The following ZNF804A variants were observed in gnomAD, a reference collection of about 807,000 sequenced individuals.
ZNF804A encodes zinc finger protein 804A.
Under a neutral mutation model 16.5 loss-of-function variants are expected in ZNF804A, and 2 were observed. The ratio of observed to expected loss-of-function variants is 0.12; its 90% CI spans 0.05 to 0.38. ZNF804A has a LOEUF of 0.38. ZNF804A is among the 10% of genes least tolerant of loss of function. The pLI is 0.99. For synonymous variants in ZNF804A, 534 were observed against 489.6 expected, an observed-to-expected ratio of 1.09 and a Z score of -1.20; for missense variants, 1,473 against 1,390.7, an observed-to-expected ratio of 1.06 and a Z score of -0.94.
chr2:184,742,967 C>A (rs975527426), intron 1 of ZNF804A, among the ~76,000 whole-genome samples: 2 of 151,860 alleles, frequency 1.3e-5, no homozygotes, highest in Non-Finnish European at 2.9e-5. Flanking sequence ...TTACTCTCAG[C>A]CAGTCTGTCA....
intron 1 of ZNF804A, among the ~76,000 whole-genome samples, chr2:184,704,981 C>T (rs1490604641): frequency 6.6e-6 from 1 of 152,154 alleles, no homozygotes; most frequent in African/African-American, 2.4e-5. Context: ...TCTCAAATCA[C>T]ATTGGTTAAA....
intron 1 of ZNF804A, among the ~76,000 whole-genome samples, chr2:184,742,666 AT>A (rs11288426): frequency 0.33 from 50,710 of 151,494 alleles, 11,815 homozygotes; most frequent in African/African-American, 0.66. Flanking sequence ...ATATTTGTAA[AT>A]TATTTGTTGG....
In ZNF804A at chr2:184,615,009, C is replaced by A. The variant is rs1406611081; in HGVS notation, c.111+15939C>A. Among the ~76,000 whole-genome samples, 6 of 152,226 alleles carry A rather than the reference C, an allele frequency of 3.9e-5. No individual in the cohort carries two copies. In the East Asian group the frequency reaches 9.7e-4, roughly 24 times the overall value. On this transcript the variant is annotated intron_variant, in intron 1 of 3. Transcript: ENST00000302277. ...CTCAAGGATCCAGAACCAGAAATACCATTTGACCCAGCAGTCCCATTATTG... is the reference window on the plus strand; with the variant it reads ...CTCAAGGATCCAGAACCAGAAATACAATTTGACCCAGCAGTCCCATTATTG...
intron 1 of ZNF804A, among the ~76,000 whole-genome samples, chr2:184,619,947 C>T (rs1264135487): frequency 6.6e-6 from 1 of 151,780 alleles, no homozygotes; most frequent in Non-Finnish European, 1.5e-5. Flanking sequence ...TAACAAAATA[C>T]ATCCAATTGT....
chr2:184,864,102 G>A (rs1401209680), intron 1 of ZNF804A, among the ~76,000 whole-genome samples: 1 of 152,108 alleles, frequency 6.6e-6, no homozygotes, highest in Non-Finnish European at 1.5e-5. Context: ...ACAGAAAATA[G>A]GTTTATTTGA....
chr2:184,820,723 A>G (rs1309499006), intron 1 of ZNF804A, among the ~76,000 whole-genome samples: 1 of 152,154 alleles, frequency 6.6e-6, no homozygotes, highest in African/African-American at 2.4e-5. Flanking sequence ...GCAAAGTTTC[A>G]GGATACAAAA....
intron 1 of ZNF804A, among the ~76,000 whole-genome samples, chr2:184,861,747 A>T (rs1314085253): frequency 6.6e-6 from 1 of 152,172 alleles, no homozygotes; most frequent in African/African-American, 2.4e-5. Context: ...TTCTCCCTTC[A>T]AAGTTCTACT....
intron 1 of ZNF804A, among the ~76,000 whole-genome samples, chr2:184,797,685 C>A (rs927945002): frequency 1.3e-5 from 2 of 151,714 alleles, no homozygotes; most frequent in African/African-American, 4.8e-5. Context: ...CTGTTACATA[C>A]AATGTTAGTA....
chr2:184,804,786 A>T (rs1409557090), intron 1 of ZNF804A, among the ~76,000 whole-genome samples: 1 of 152,204 alleles, frequency 6.6e-6, no homozygotes. Context: ...AAGCTTGATC[A>T]AGTGAGTTAT....
intron 1 of ZNF804A, among the ~76,000 whole-genome samples, chr2:184,723,660 T>C (rs1693358877): frequency 1.3e-5 from 2 of 151,762 alleles, no homozygotes; most frequent in African/African-American, 4.8e-5. Flanking sequence ...TTTATTTCAG[T>C]TAAGTATTGG....
intron 1 of ZNF804A, among the ~76,000 whole-genome samples, chr2:184,724,556 TA>T (rs1184152102): frequency 1.6e-5 from 2 of 126,676 alleles, no homozygotes; most frequent in African/African-American, 4.4e-5. Flanking sequence ...GAAAAGATAC[TA>T]AGATACTACT....
chr2:184,709,282 G>C (rs1446389911), intron 1 of ZNF804A, among the ~76,000 whole-genome samples: 1 of 152,034 alleles, frequency 6.6e-6, no homozygotes, highest in Admixed American at 6.6e-5. Context: ...GTTGCCTTCA[G>C]ATCTTCTTTT....
intron 1 of ZNF804A, among the ~76,000 whole-genome samples, chr2:184,687,662 TG>T (rs1306871650): frequency 6.6e-6 from 1 of 152,216 alleles, no homozygotes; most frequent in Non-Finnish European, 1.5e-5. Flanking sequence ...AATTTCTGTT[TG>T]GGGTTATGAA....
At chr2:184,862,226 C>T (rs947587390) in intron 1 of ZNF804A, among the ~76,000 whole-genome samples, 1 of 152,132 alleles carries the variant, frequency 6.6e-6, no homozygotes, top group Admixed American at 6.5e-5. Context: ...TTTAAAGTAT[C>T]AGTCAGTACC....
intron 1 of ZNF804A, among the ~76,000 whole-genome samples, chr2:184,825,421 T>C (rs907378341): frequency 6.6e-6 from 1 of 152,164 alleles, no homozygotes; most frequent in Non-Finnish European, 1.5e-5. Context: ...AAGTGTCACA[T>C]GTTTTGTTTT....
At chr2:184,765,948 G>GA (rs1185100295) in intron 1 of ZNF804A, among the ~76,000 whole-genome samples, 2 of 151,940 alleles carry the variant, frequency 1.3e-5, no homozygotes, top group African/African-American at 2.4e-5. Context: ...ATATGACTTT[G>GA]AAAAAATCAA....
chr2:184,821,770 T>C (rs1267983203), intron 1 of ZNF804A, among the ~76,000 whole-genome samples: 2 of 152,000 alleles, frequency 1.3e-5, no homozygotes, highest in Non-Finnish European at 2.9e-5. Flanking sequence ...AGCATATACT[T>C]CTCAAAAGAA....
chr2:184,724,655 T>A (rs1220705498), intron 1 of ZNF804A, among the ~76,000 whole-genome samples: 1 of 151,730 alleles, frequency 6.6e-6, no homozygotes, highest in Non-Finnish European at 1.5e-5. Flanking sequence ...CTTGTGCTGA[T>A]GTCTGATTCT....
intron 1 of ZNF804A, among the ~76,000 whole-genome samples, chr2:184,653,775 C>T (rs576787064): frequency 1.3e-5 from 2 of 152,144 alleles, no homozygotes; most frequent in Non-Finnish European, 2.9e-5. Context: ...TGGTGGAATG[C>T]CCCCAGAAGG....
Sources: allele counts gnomAD v4.1 joint callset (sites outside exome capture counted in the v4.1 genomes callset), GRCh38; gene constraint gnomAD v4.1.1; transcripts MANE v1.5; gene names NCBI Gene and HGNC (gene_info 2026-07-23, HGNC 2026-07-21).